Variants in CAPN2 observed in about 807,000 individuals in gnomAD.
CAPN2 encodes the protein calpain-2 catalytic subunit.
CAPN2 carries 92 observed loss-of-function variants against 102.3 expected under a neutral mutation model. That is an observed-to-expected ratio of 0.90 (90% CI 0.76 to 1.07). CAPN2 has a LOEUF of 1.07. CAPN2 is among the 50% of genes least tolerant of loss of function. The probability of loss-of-function intolerance (pLI) is 0.00; values close to 1 mark genes in which losing one functional copy is unlikely to be tolerated. For synonymous variants in CAPN2, 340 were observed against 355.4 expected, an observed-to-expected ratio of 0.96 and a Z score of 0.49; for missense variants, 800 against 909.4, an observed-to-expected ratio of 0.88 and a Z score of 1.55.
chr1:223,745,233 C>A (rs1416869776), intron 3 of CAPN2, 73 bp from the exon 4 acceptor site: 13 of 1,600,532 alleles, frequency 8.1e-6, no homozygotes, highest in African/African-American at 1.3e-5. Context: ...CAAGGGGAGC[C>A]AGAGGCAGCT....
chr1:223,742,520 T>TATA (rs1660649551), intron 2 of CAPN2, among the ~76,000 whole-genome samples: 2 of 49,296 alleles, frequency 4.1e-5, no homozygotes, highest in African/African-American at 2.2e-4. Context: ...ATATATATAT[T>TATA]TTTTTTTTTT....
At chr1:223,717,027 T>C (rs1659895528) in intron 1 of CAPN2, among the ~76,000 whole-genome samples, 1 of 152,120 alleles carries the variant, frequency 6.6e-6, no homozygotes, top group Non-Finnish European at 1.5e-5. Context: ...TCCTCGTCTG[T>C]AAAAGGGGGA....
At position 223,725,928 on chromosome 1, in the gene CAPN2, A is replaced by G. The variant is rs999862434; in HGVS notation, c.307+8097A>G. 3.3e-5 allele frequency among the ~76,000 whole-genome samples: 5 copies of G among 152,072 alleles called. No homozygotes were observed. Among genetic ancestry groups the G allele is most frequent in the Admixed American group, 6.6e-5 (1 of 15,266 alleles). ...GCGTCCTTTCTTTTTCTTTTCCTACAATGCAGGGAACTTTAAGACTATGTG... is the reference window on the plus strand; with the variant it reads ...GCGTCCTTTCTTTTTCTTTTCCTACGATGCAGGGAACTTTAAGACTATGTG... On this transcript the variant is annotated intron_variant, in intron 2 of 20. Coordinates refer to ENST00000295006, the MANE Select transcript of CAPN2 (RefSeq NM_001748.5). The surrounding 1 kb of genome is among the most constrained non-coding windows in gnomAD (Gnocchi z 4.1).
chr1:223,712,550 C>T lies in CAPN2; in HGVS notation c.-91C>T. The stretch of plus-strand genomic sequence containing the variant: ...GCGGCGGCGCCCGCAGTGGCCGCAG[C>T]AGCGCGCCGGGCCCTGGCCGCGCCC... On this transcript the variant is annotated 5_prime_UTR_variant, in exon 1 of 21. Transcript: ENST00000295006. 1 of 1,285,538 alleles carries T rather than the reference C, an allele frequency of 7.8e-7. No individual in the cohort carries two copies. The highest frequency in any genetic ancestry group is 9.8e-7 in the Non-Finnish European group (1 of 1,021,508). The allele number at this position is 1,285,538 out of a possible 1,614,324, so 79.6% of individuals were successfully genotyped here.
At chr1:223,714,621 T>TAA (rs373544472) in intron 1 of CAPN2, among the ~76,000 whole-genome samples, 1,432 of 130,940 alleles carry the variant, frequency 0.011, 24 homozygotes, top group African/African-American at 0.02. Context: ...TATAAAAAAG[T>TAA]AAAAAAAAAA....
intron 20 of CAPN2, chr1:223,772,843 G>A (rs1489834642): frequency 1.3e-5 from 2 of 152,196 alleles, no homozygotes; most frequent in Non-Finnish European, 2.9e-5. Flanking sequence ...AAATGTTCTC[G>A]TGTCATCCCA....
intron 1 of CAPN2, 24 bp downstream of exon 1, chr1:223,712,901 G>GC (rs1336059307): frequency 6.8e-7 from 1 of 1,480,182 alleles, no homozygotes; most frequent in Non-Finnish European, 9.0e-7. Context: ...GGCAGGACGC[G>GC]GGCAGGGCGG....
chr1:223,724,190 T>C (rs1660131166), intron 2 of CAPN2, among the ~76,000 whole-genome samples: 1 of 152,186 alleles, frequency 6.6e-6, no homozygotes, highest in Non-Finnish European at 1.5e-5. Context: ...GGACTGGTGT[T>C]TGTGAGGAAT....
intron 14 of CAPN2, among the ~76,000 whole-genome samples, chr1:223,762,787 C>A (rs1418299218): frequency 6.6e-6 from 1 of 152,040 alleles, no homozygotes; most frequent in Non-Finnish European, 1.5e-5. Flanking sequence ...CTCAAGAGAT[C>A]TTGCCACCTT....
At chr1:223,771,983 C>G in intron 19 of CAPN2, 58 bp downstream of exon 19, 1 of 1,264,682 alleles carries the variant, frequency 7.9e-7, no homozygotes. Context: ...AAGTGGCCTG[C>G]CTTTCACCTC....
intron 1 of CAPN2, among the ~76,000 whole-genome samples, chr1:223,716,086 T>TG (rs1659867026): frequency 6.6e-6 from 1 of 152,300 alleles, no homozygotes; most frequent in Non-Finnish European, 1.5e-5. Flanking sequence ...ATCAGAATAA[T>TG]GCAGCAAAGC....
chr1:223,714,787 A>T (rs530457895), intron 1 of CAPN2, among the ~76,000 whole-genome samples: 1 of 152,186 alleles, frequency 6.6e-6, no homozygotes, highest in Non-Finnish European at 1.5e-5. Context: ...GGCACAATGC[A>T]TATGGTTTCT....
chr1:223,766,305 G>T, intron 15 of CAPN2, 62 bp from the exon 16 acceptor site: 1 of 1,221,512 alleles, frequency 8.2e-7, no homozygotes, highest in Non-Finnish European at 1.2e-6. Flanking sequence ...CATGATTGTG[G>T]AAAGTTCAGT....
intron 2 of CAPN2, among the ~76,000 whole-genome samples, chr1:223,737,390 G>A (rs1382618817): frequency 3.3e-5 from 5 of 152,146 alleles, no homozygotes; most frequent in South Asian, 2.1e-4. Context: ...ATCTGCTGCC[G>A]TTAGTAATAA....
chr1:223,765,424 C>T (rs2102813471), intron 15 of CAPN2, among the ~76,000 whole-genome samples: 1 of 152,302 alleles, frequency 6.6e-6, no homozygotes, highest in East Asian at 1.9e-4. Context: ...CCCTGGAGGC[C>T]ACCAGGCACA....
At chr1:223,730,079 AG>A (rs1425529803) in intron 2 of CAPN2, among the ~76,000 whole-genome samples, 2 of 151,472 alleles carry the variant, frequency 1.3e-5, no homozygotes, top group Non-Finnish European at 2.9e-5. Flanking sequence ...GGTTGAGATA[AG>A]AAGTTGTTAG....
In CAPN2 at chr1:223,712,615, C is replaced by T. The variant is rs1157970691; in HGVS notation, c.-26C>T. The T allele has an allele frequency of 4.0e-6, 6 of 1,503,988 alleles. No homozygotes were observed. In the East Asian group the frequency reaches 1.1e-4, roughly 29 times the overall value. 93.2% of individuals were successfully genotyped at this position (1,503,988 alleles called of 1,614,324 possible). Reference sequence around the variant, plus strand: ...GCGGAGTCGCCCCGACCTTTCTCTGCGCAGTACGGCCGCCGGGACCGCAGC... The same window carrying T: ...GCGGAGTCGCCCCGACCTTTCTCTGTGCAGTACGGCCGCCGGGACCGCAGC... On this transcript the variant is annotated 5_prime_UTR_variant, in exon 1 of 21. Transcript: ENST00000295006.
intron 11 of CAPN2, 131 bp downstream of exon 11, chr1:223,757,511 C>G (rs750150043): frequency 2.1e-6 from 2 of 954,694 alleles, no homozygotes; most frequent in Non-Finnish European, 3.4e-6. Flanking sequence ...CTGGCCACCC[C>G]TGGGGCCCTG....
At chr1:223,746,058 CCCTCT>C (rs1459849543) in intron 4 of CAPN2, among the ~76,000 whole-genome samples, 1 of 152,186 alleles carries the variant, frequency 6.6e-6, no homozygotes, top group Non-Finnish European at 1.5e-5. Context: ...CCACACCAGC[CCCTCT>C]CCACAATGGC....
Sources: allele counts gnomAD v4.1 joint callset (sites outside exome capture counted in the v4.1 genomes callset), GRCh38; gene constraint gnomAD v4.1.1; non-coding constraint Gnocchi (gnomAD v3.1); transcripts MANE v1.5; gene names NCBI Gene and HGNC (gene_info 2026-07-23, HGNC 2026-07-21).